The following MCPH1 variants were observed in gnomAD, a reference collection of about 807,000 sequenced individuals.
MCPH1 encodes microcephalin.
A neutral mutation model predicts 84.5 loss-of-function variants in MCPH1; 104 were observed. The ratio of observed to expected loss-of-function variants is 1.23; its 90% CI spans 1.05 to 1.45. MCPH1 has a LOEUF of 1.45. MCPH1 is among the 40% of genes most tolerant of loss of function. MCPH1 has a pLI of 0.00. For synonymous variants in MCPH1, 514 were observed against 366.8 expected (o/e 1.40, Z -4.58); for missense variants, 1,498 against 1,005.7 (o/e 1.49, Z -6.62).
intron 11 of MCPH1, among the ~76,000 whole-genome samples, chr8:6,486,060 A>T (rs973909796): frequency 6.6e-6 from 1 of 152,194 alleles, no homozygotes; most frequent in Admixed American, 6.5e-5. Flanking sequence ...TAGTACAAAC[A>T]TAAGAAATTT....
chr8:6,596,425 G>A (rs1393229871), intron 12 of MCPH1, among the ~76,000 whole-genome samples: 1 of 152,172 alleles, frequency 6.6e-6, no homozygotes, highest in Non-Finnish European at 1.5e-5. Context: ...GCTAAGGGAA[G>A]TAGCCCCATC....
chr8:6,561,593 G>A (rs193148976), intron 12 of MCPH1, among the ~76,000 whole-genome samples: 1 of 152,326 alleles, frequency 6.6e-6, no homozygotes, highest in African/African-American at 2.4e-5. Flanking sequence ...ACTTTTAAAA[G>A]ACTTTACATA....
intron 9 of MCPH1, among the ~76,000 whole-genome samples, chr8:6,463,667 A>G (rs1275049036): frequency 1.3e-5 from 2 of 152,168 alleles, no homozygotes; most frequent in East Asian, 3.9e-4. Flanking sequence ...GCAGGAGGAA[A>G]GAGAGCTGCA....
chr8:6,482,626 A>G (rs1809382853), intron 11 of MCPH1, among the ~76,000 whole-genome samples: 1 of 152,254 alleles, frequency 6.6e-6, no homozygotes, highest in Non-Finnish European at 1.5e-5. Context: ...GGAGCAGTCC[A>G]TAGAGGTCAG....
At chr8:6,481,588 C>T (rs914077253) in intron 11 of MCPH1, among the ~76,000 whole-genome samples, 11 of 152,148 alleles carry the variant, frequency 7.2e-5, no homozygotes, top group Admixed American at 2.0e-4. Flanking sequence ...AGAATGTATT[C>T]TATTCATACT....
At chr8:6,503,660 C>T (rs1224516076) in intron 12 of MCPH1, among the ~76,000 whole-genome samples, 3 of 152,214 alleles carry the variant, frequency 2.0e-5, no homozygotes, top group Non-Finnish European at 4.4e-5. Context: ...GCTGGACTCG[C>T]TCAGGCTCCC....
chr8:6,473,458 A>C (rs1222196262), intron 9 of MCPH1, among the ~76,000 whole-genome samples: 2 of 150,560 alleles, frequency 1.3e-5, no homozygotes, highest in African/African-American at 2.4e-5. Context: ...CGGCCTCCCA[A>C]GTAGCTGGGA....
chr8:6,455,961 C>T (rs1209016446), intron 9 of MCPH1, among the ~76,000 whole-genome samples: 2 of 152,126 alleles, frequency 1.3e-5, no homozygotes, highest in Non-Finnish European at 2.9e-5. Flanking sequence ...GATGGGTCTG[C>T]ATGGGGCTTC....
At chr8:6,499,968 G>T in intron 12 of MCPH1, 39 bp downstream of exon 12, 2 of 1,552,718 alleles carry the variant, frequency 1.3e-6, no homozygotes, top group African/African-American at 1.4e-5. Flanking sequence ...AATGCAGTTT[G>T]CTGTTCTCAA....
chr8:6,487,393 G>A (rs181644412), intron 11 of MCPH1, among the ~76,000 whole-genome samples: 3 of 152,210 alleles, frequency 2.0e-5, no homozygotes, highest in Admixed American at 6.5e-5. Flanking sequence ...TTCCGTTCAC[G>A]CCTCTCATTT....
At chr8:6,531,476 G>C (rs1819501994) in intron 12 of MCPH1, among the ~76,000 whole-genome samples, 1 of 151,986 alleles carries the variant, frequency 6.6e-6, no homozygotes, top group Non-Finnish European at 1.5e-5. Context: ...TTTTTTAGTA[G>C]AGACGGGTTT....
rs111298103 is a variant in MCPH1, at chr8:6,428,283, G to A, written c.234-3216G>A. 6.5e-3 allele frequency among the ~76,000 whole-genome samples: 991 copies of A among 151,922 alleles called. 11 individuals are homozygous for A. The highest frequency in any genetic ancestry group is 0.024 in the Middle Eastern group (7 of 294). On this transcript the variant is annotated intron_variant, in intron 3 of 13. Coordinates refer to ENST00000344683, the MANE Select transcript of MCPH1 (RefSeq NM_024596.5). ...AACTTAAAAAAAACTAGGACACAAA[G>A]ACACACATTAGCCTGGGCCTACACA...
In MCPH1 at chr8:6,447,583, A is replaced by C. The variant is rs2442507; in HGVS notation, c.1825+2036A>C. The stretch of plus-strand genomic sequence containing the variant: ...AGTTTTTTTTGAGACATAGTCTCGC[A>C]CTTGACGCCCAGGTTGGAGTGCAGT... On this transcript the variant is annotated intron_variant, in intron 8 of 13. Transcript: ENST00000344683. 4.5e-3 allele frequency among the ~76,000 whole-genome samples: 681 copies of C among 152,214 alleles called. 7 individuals are homozygous for C. The highest frequency in any genetic ancestry group is 0.016 in the African/African-American group (655 of 41,492).
At chr8:6,509,211 A>C (rs976112650) in intron 12 of MCPH1, 3 of 1,019,340 alleles carry the variant, frequency 2.9e-6, no homozygotes, top group Non-Finnish European at 4.2e-6. Context: ...AATATTTTGC[A>C]CTGGTATAAA....
chr8:6,572,154 C>T lies in MCPH1; in HGVS notation c.2215-49300C>T, dbSNP rs141021377. Among the ~76,000 whole-genome samples the T allele has an allele frequency of 5.4e-3, 801 of 149,470 alleles. 3 individuals carry two copies. The highest frequency in any genetic ancestry group is 0.014 in the Middle Eastern group (4 of 290). On this transcript the variant is annotated intron_variant, in intron 12 of 13. Coordinates refer to ENST00000344683, the MANE Select transcript of MCPH1 (RefSeq NM_024596.5). ...ACTGAAGAGAGGATGCAGTATTAAA[C>T]GTACCAAGTTCTTGACATCGGTTTC...
At chr8:6,621,728 C>G (rs778798619) in intron 13 of MCPH1, 37 bp downstream of exon 13, 27 of 1,613,322 alleles carry the variant, frequency 1.7e-5, no homozygotes, top group Non-Finnish European at 2.2e-5. Flanking sequence ...TGGTGTGGTC[C>G]AGATCTGTGG....
At chr8:6,469,426 C>A (rs539911907) in intron 9 of MCPH1, among the ~76,000 whole-genome samples, 2 of 152,104 alleles carry the variant, frequency 1.3e-5, no homozygotes, top group Non-Finnish European at 2.9e-5. Flanking sequence ...CATATAATAT[C>A]CTCAGGATGG....
chr8:6,465,852 A>C (rs1410584253), intron 9 of MCPH1, among the ~76,000 whole-genome samples: 1 of 152,100 alleles, frequency 6.6e-6, no homozygotes, highest in Non-Finnish European at 1.5e-5. Context: ...TTTAAATGTG[A>C]GTGGTTTTCC....
intron 8 of MCPH1, chr8:6,445,796 T>G: frequency 7.8e-7 from 1 of 1,276,374 alleles, no homozygotes; most frequent in Non-Finnish European, 9.9e-7. Context: ...TTCCTTCTTA[T>G]AGGTCAAAAG....
Sources: gnomAD v4.1 joint callset for allele counts (sites outside exome capture counted in the v4.1 genomes callset) on GRCh38, gnomAD v4.1.1 for gene constraint, MANE v1.5 for transcripts, NCBI Gene and HGNC (gene_info 2026-07-23, HGNC 2026-07-21) for gene names.